KCNAB2: variants seen among roughly 807,000 people sequenced by gnomAD.
KCNAB2 encodes potassium voltage-gated channel subfamily A regulatory beta subunit 2, also known as voltage-gated potassium channel subunit beta-2.
In KCNAB2, 29 loss-of-function variants were observed where a neutral mutation model predicts 63.6. That is an observed-to-expected ratio of 0.46 (90% confidence interval 0.34 to 0.62). The LOEUF is 0.62. Among genes scored for constraint, KCNAB2 ranks in the 20% least tolerant of loss-of-function variants. The pLI is 0.01. For missense variants in KCNAB2, 359 were observed against 563.9 expected (o/e 0.64, Z 3.68); for synonymous variants, 222 against 224.2 (o/e 0.99, Z 0.09).
intron 1 of KCNAB2, among the ~76,000 whole-genome samples, chr1:6,047,090 C>T (rs1013059720): frequency 5.9e-5 from 9 of 152,098 alleles, no homozygotes; most frequent in African/African-American, 9.7e-5. Flanking sequence ...AGGAGGGGCT[C>T]GTTTTTCTTG....
At chr1:6,004,331 G>A (rs1657433021) in intron 1 of KCNAB2, among the ~76,000 whole-genome samples, 1 of 152,020 alleles carries the variant, frequency 6.6e-6, no homozygotes, top group Admixed American at 6.5e-5. Flanking sequence ...AAGTAGCTGG[G>A]ACTGCAGATG....
intron 2 of KCNAB2, among the ~76,000 whole-genome samples, chr1:6,058,350 C>A (rs1338701495): frequency 6.6e-6 from 1 of 152,218 alleles, no homozygotes; most frequent in African/African-American, 2.4e-5. Context: ...ATTGACTCAA[C>A]ACCTTGAGCC....
intron 2 of KCNAB2, among the ~76,000 whole-genome samples, chr1:6,058,364 G>A (rs541916899): frequency 8.5e-5 from 13 of 152,272 alleles, no homozygotes; most frequent in South Asian, 2.1e-4. Flanking sequence ...TTGAGCCTGC[G>A]GGGACATCCC....
At chr1:6,080,141 G>T (rs1019946265) in intron 4 of KCNAB2, among the ~76,000 whole-genome samples, 3 of 152,210 alleles carry the variant, frequency 2.0e-5, no homozygotes, top group Admixed American at 1.3e-4. Flanking sequence ...GAGCGTGAGT[G>T]CCCTAACCAC....
At chr1:6,015,093 G>A (rs1362702401) in intron 1 of KCNAB2, among the ~76,000 whole-genome samples, 11 of 146,598 alleles carry the variant, frequency 7.5e-5, no homozygotes, top group East Asian at 6.2e-4. Flanking sequence ...GTGCAGTGGC[G>A]GGATCTCAGC....
In KCNAB2 at chr1:6,091,311, C is replaced by T; in HGVS notation, c.646+4C>T. Reference sequence around the variant, plus strand: ...TCAAGGACATTCATCATAGAAGGTACACAGTGCCCCCAGCCTGACTATTGA... The same window carrying T: ...TCAAGGACATTCATCATAGAAGGTATACAGTGCCCCCAGCCTGACTATTGA... On this transcript the variant is annotated splice_donor_region_variant and intron_variant, in intron 10 of 15. Coordinates refer to ENST00000378083, the MANE Select transcript of KCNAB2 (RefSeq NM_001199862.2). The T allele has an allele frequency of 1.3e-6, 2 of 1,527,172 alleles. No homozygotes were observed. Among genetic ancestry groups the T allele is most frequent in the South Asian group, 1.2e-5 (1 of 83,900 alleles). The allele number at this position is 1,527,172 out of a possible 1,614,324, so 94.6% of individuals were successfully genotyped here.
rs1973917 is a variant in KCNAB2 at position 6,024,028 on chromosome 1, G to A, written c.-52-16489G>A. 0.12 allele frequency among the ~76,000 whole-genome samples: 18,813 copies of A among 151,192 alleles called. 1,479 individuals are homozygous for A. Among genetic ancestry groups the A allele is most frequent in the Non-Finnish European group, 0.19 (12,610 of 67,864 alleles). On this transcript the variant is annotated intron_variant, in intron 1 of 16. Coordinates refer to the KCNAB2 transcript ENST00000341524. This position sits in a 1 kb window ranked among gnomAD's most constrained non-coding sequence, Gnocchi z 5.4. ...ACAATCTAGGCTCACTGCGACCTCC[G>A]CCTCCTGGGTTCAAGCAATTCTCCT...
intron 2 of KCNAB2, among the ~76,000 whole-genome samples, chr1:6,053,646 G>C (rs955525042): frequency 6.6e-6 from 1 of 152,176 alleles, no homozygotes; most frequent in Non-Finnish European, 1.5e-5. Context: ...GACACAAGGC[G>C]ATGATGCAGG....
intron 4 of KCNAB2, 108 bp from the exon 5 acceptor site, chr1:6,082,087 A>G: frequency 2.3e-6 from 2 of 873,108 alleles, no homozygotes; most frequent in Non-Finnish European, 3.8e-6. Flanking sequence ...CGGGCCCGGG[A>G]GGGCAGGGCC....
chr1:6,098,715 C>A lies in KCNAB2; in HGVS notation c.*141C>A. On this transcript the variant is annotated 3_prime_UTR_variant, in exon 16 of 16. Coordinates refer to ENST00000378083, the MANE Select transcript of KCNAB2 (RefSeq NM_001199862.2). ...CACTGTGATGTCATCGGGAAATGAT[C>A]TCCCAAGTCGCTGCCAGACACCACC... 9.0e-7 allele frequency: 1 copy of A among 1,110,196 alleles called. No individual in the cohort carries two copies. The highest frequency in any genetic ancestry group is 1.3e-6 in the Non-Finnish European group (1 of 789,196). The allele number at this position is 1,110,196 out of a possible 1,614,324, so 68.8% of individuals were successfully genotyped here. A position where few individuals can be genotyped will look rare whatever the true frequency, so the allele number is the denominator to read the frequency against.
upstream of KCNAB2, among the ~76,000 whole-genome samples, chr1:6,044,050 A>T (rs770335754): frequency 3.3e-5 from 5 of 152,194 alleles, no homozygotes; most frequent in Non-Finnish European, 7.3e-5. Flanking sequence ...GGAAAAGCAG[A>T]AACATGCAGG....
chr1:6,005,720 G>A (rs376164707), intron 1 of KCNAB2, among the ~76,000 whole-genome samples: 7 of 152,026 alleles, frequency 4.6e-5, no homozygotes, highest in Admixed American at 3.9e-4. Context: ...CTGTGAGGAT[G>A]CAGGGCCCCC....
chr1:6,030,776 ATGTG>A (rs946734210), upstream of KCNAB2, among the ~76,000 whole-genome samples: 12 of 133,072 alleles, frequency 9.0e-5, no homozygotes, highest in Admixed American at 7.9e-4. Flanking sequence ...GTGTGTAGAT[ATGTG>A]TGTGTATGTG....
At chr1:6,015,744 A>C (rs1658458438) in intron 1 of KCNAB2, among the ~76,000 whole-genome samples, 1 of 152,052 alleles carries the variant, frequency 6.6e-6, no homozygotes, top group South Asian at 2.1e-4. Flanking sequence ...TCGATCTGTC[A>C]CCCAGGTTGG....
chr1:6,033,327 C>T (rs753553780), upstream of KCNAB2, among the ~76,000 whole-genome samples: 23 of 143,400 alleles, frequency 1.6e-4, no homozygotes, highest in Non-Finnish European at 2.1e-4. Context: ...TGCATGTGTG[C>T]CTGTATTGTG....
At chr1:6,005,619 T>G (rs1396324059) in intron 1 of KCNAB2, among the ~76,000 whole-genome samples, 1 of 151,864 alleles carries the variant, frequency 6.6e-6, no homozygotes, top group Non-Finnish European at 1.5e-5. Flanking sequence ...GTATTTGTAG[T>G]TGGAAGGCAG....
intron 2 of KCNAB2, among the ~76,000 whole-genome samples, chr1:6,066,608 G>A (rs78988914): frequency 0.02 from 3,070 of 152,304 alleles, 44 homozygotes; most frequent in Non-Finnish European, 0.03. Context: ...GAACCCTGAG[G>A]CATGGGCCAC....
upstream of KCNAB2, among the ~76,000 whole-genome samples, chr1:6,033,002 G>C (rs888983479): frequency 2.0e-5 from 3 of 152,216 alleles, no homozygotes; most frequent in Non-Finnish European, 4.4e-5. Flanking sequence ...TTTTTGTAAA[G>C]CTGTAGGAGT....
chr1:6,001,799 G>A (rs1019712774), intron 1 of KCNAB2, among the ~76,000 whole-genome samples: 2 of 152,146 alleles, frequency 1.3e-5, no homozygotes, highest in African/African-American at 2.4e-5. Flanking sequence ...TGGAGCCAGC[G>A]GCCTCAGAAA....
Sources: gnomAD v4.1 joint callset for allele counts (sites outside exome capture counted in the v4.1 genomes callset) on GRCh38, gnomAD v4.1.1 for gene constraint, Gnocchi (gnomAD v3.1) non-coding constraint, MANE v1.5 for transcripts, NCBI Gene and HGNC (gene_info 2026-07-23, HGNC 2026-07-21) for gene names.